The following DROSHA variants were observed in gnomAD, a reference collection of about 807,000 sequenced individuals.
DROSHA encodes the protein drosha ribonuclease III, also known as ribonuclease 3.
In DROSHA, 56 loss-of-function variants were observed where a neutral mutation model predicts 181.9. That is an observed-to-expected ratio of 0.31 (90% CI 0.25 to 0.38). The LOEUF is 0.38. Ranked by LOEUF, DROSHA falls within the 10% of genes least tolerant of loss-of-function variation. The pLI is 1.00. For missense variants in DROSHA, 1,218 were observed against 1,743.5 expected (o/e 0.70, Z 5.37); for synonymous variants, 524 against 591.2 (o/e 0.89, Z 1.65).
At chr5:31,485,361 T>G (rs1751602152) in intron 14 of DROSHA, among the ~76,000 whole-genome samples, 1 of 130,026 alleles carries the variant, frequency 7.7e-6, no homozygotes, top group Non-Finnish European at 1.6e-5. Flanking sequence ...ATAATTGTCA[T>G]GGAGTTACCA....
At chr5:31,512,613 C>A (rs1356078293) in intron 8 of DROSHA, among the ~76,000 whole-genome samples, 2 of 152,160 alleles carry the variant, frequency 1.3e-5, no homozygotes, top group African/African-American at 2.4e-5. Flanking sequence ...ACTTACATGG[C>A]AAAAAGGATT....
rs1561099355 is a variant in DROSHA, at chr5:31,401,123, T to A, written c.*309A>T. 6.3e-6 allele frequency: 2 copies of A among 316,396 alleles called. No individual in the cohort carries two copies. Among genetic ancestry groups the A allele is most frequent in the East Asian group, 1.7e-4 (2 of 11,728 alleles). 19.6% of individuals were successfully genotyped at this position (316,396 alleles called of 1,614,324 possible). A position where few individuals can be genotyped will look rare whatever the true frequency, so the allele number is the denominator to read the frequency against. On this transcript the variant is annotated 3_prime_UTR_variant, in exon 36 of 36. Transcript: ENST00000344624. ...CTAGGGTCACAATCTGGGACACAGA[T>A]GGAAAAACAGGATCTATTCCACATA...
At chr5:31,476,852 A>C (rs1323590642) in intron 16 of DROSHA, among the ~76,000 whole-genome samples, 3 of 152,198 alleles carry the variant, frequency 2.0e-5, no homozygotes, top group Non-Finnish European at 4.4e-5. Flanking sequence ...TCTAAAGCAG[A>C]CTAATAACTT....
At chr5:31,498,060 A>C (rs749363750) in intron 11 of DROSHA, among the ~76,000 whole-genome samples, 90 of 152,272 alleles carry the variant, frequency 5.9e-4, no homozygotes, top group Non-Finnish European at 1.1e-3. Flanking sequence ...AAAGGAGTTT[A>C]AACTATTCTT....
At chr5:31,446,493 G>C (rs1340824701) in intron 23 of DROSHA, among the ~76,000 whole-genome samples, 1 of 118,496 alleles carries the variant, frequency 8.4e-6, no homozygotes, top group African/African-American at 3.1e-5. Context: ...GCACAAAAAA[G>C]AATAACATAC....
chr5:31,415,048 C>T (rs1415320796), intron 30 of DROSHA, among the ~76,000 whole-genome samples: 1 of 152,182 alleles, frequency 6.6e-6, no homozygotes, highest in Non-Finnish European at 1.5e-5. Context: ...AGGATGTTTT[C>T]TATTATGCCA....
chr5:31,450,224 T>C (rs1746806365), intron 21 of DROSHA, among the ~76,000 whole-genome samples: 1 of 152,184 alleles, frequency 6.6e-6, no homozygotes, highest in East Asian at 1.9e-4. Context: ...CACTGAACTT[T>C]ATATAAACTA....
At chr5:31,459,504 T>TA (rs963325063) in intron 20 of DROSHA, among the ~76,000 whole-genome samples, 3 of 151,384 alleles carry the variant, frequency 2.0e-5, no homozygotes, top group African/African-American at 4.9e-5. Context: ...ACGCTCCAAT[T>TA]AAAAAATCAA....
intron 34 of DROSHA, 75 bp from the exon 35 acceptor site, chr5:31,405,798 A>AATTAAATGTT: frequency 8.2e-7 from 1 of 1,220,896 alleles, no homozygotes. Flanking sequence ...TTTTCAAAAA[A>AATTAAATGTT]TGCAAGGTAT....
rs532128306 is a variant in DROSHA, at chr5:31,443,456, C to A, written c.2882+5091G>T. On this transcript the variant is annotated intron_variant, in intron 23 of 35. Transcript: ENST00000344624. Reference sequence around the variant, plus strand: ...CTTCCCAAGGGTCTTACTGATAATACGTCGATTACTTGAATCCACCAAATG... The same window carrying A: ...CTTCCCAAGGGTCTTACTGATAATAAGTCGATTACTTGAATCCACCAAATG... Among the ~76,000 whole-genome samples the A allele has an allele frequency of 2.4e-3, 362 of 152,220 alleles. 2 individuals are homozygous for A. Among genetic ancestry groups the A allele is most frequent in the African/African-American group, 8.1e-3 (338 of 41,534 alleles).
chr5:31,467,307 TAAG>T (rs1561207304), intron 18 of DROSHA: 1 of 47,696 alleles, frequency 2.1e-5, no homozygotes, highest in Non-Finnish European at 1.2e-4. Context: ...AAAAAAAAAA[TAAG>T]TCAGGAAGCT....
chr5:31,475,381 A>G (rs1338215708), intron 16 of DROSHA, among the ~76,000 whole-genome samples: 3 of 152,138 alleles, frequency 2.0e-5, no homozygotes, highest in Non-Finnish European at 1.5e-5. Context: ...GTGTTCCTCA[A>G]TCAGTAATGT....
intron 6 of DROSHA, among the ~76,000 whole-genome samples, chr5:31,519,911 T>C (rs1326525054): frequency 6.6e-6 from 1 of 152,224 alleles, no homozygotes; most frequent in African/African-American, 2.4e-5. Context: ...CTGAAAACAT[T>C]TGCTAATATC....
intron 20 of DROSHA, among the ~76,000 whole-genome samples, chr5:31,456,614 T>C (rs1747701080): frequency 6.6e-6 from 1 of 152,006 alleles, no homozygotes; most frequent in Non-Finnish European, 1.5e-5. Context: ...ACAAAGGATA[T>C]GAAGAGGAAA....
At chr5:31,417,101 C>A (rs1742035397) in intron 30 of DROSHA, among the ~76,000 whole-genome samples, 1 of 152,194 alleles carries the variant, frequency 6.6e-6, no homozygotes, top group South Asian at 2.1e-4. Flanking sequence ...GAAGTGGTTG[C>A]CTATTTATTC....
At chr5:31,498,301 C>T (rs116277316) in intron 11 of DROSHA, among the ~76,000 whole-genome samples, 2,840 of 152,164 alleles carry the variant, frequency 0.019, 64 homozygotes, top group African/African-American at 0.064. Context: ...GTTCAGACTA[C>T]AAGATTTAAG....
intron 16 of DROSHA, among the ~76,000 whole-genome samples, chr5:31,476,208 T>C (rs1232819926): frequency 6.6e-6 from 1 of 152,068 alleles, no homozygotes; most frequent in African/African-American, 2.4e-5. Context: ...CTATTAAAAA[T>C]ACAAAAATCA....
chr5:31,466,080 A>G, intron 19 of DROSHA, 102 bp downstream of exon 19: 3 of 1,189,806 alleles, frequency 2.5e-6, no homozygotes, highest in Non-Finnish European at 3.6e-6. Context: ...TTAAAAAAAT[A>G]TTTTTCCATC....
At chr5:31,453,304 T>G (rs1176603797) in intron 20 of DROSHA, among the ~76,000 whole-genome samples, 1 of 152,036 alleles carries the variant, frequency 6.6e-6, no homozygotes, top group Non-Finnish European at 1.5e-5. Flanking sequence ...CAAGAGATCC[T>G]CCCACCTCAG....
Sources: allele counts gnomAD v4.1 joint callset (sites outside exome capture counted in the v4.1 genomes callset), GRCh38; gene constraint gnomAD v4.1.1; transcripts MANE v1.5; gene names NCBI Gene and HGNC (gene_info 2026-07-23, HGNC 2026-07-21).